LRRC4C: variants seen among roughly 807,000 people sequenced by gnomAD.
LRRC4C encodes the protein leucine-rich repeat-containing protein 4C.
LRRC4C carries 5 observed loss-of-function variants against 33.6 expected under a neutral mutation model. The observed-to-expected ratio is 0.15, with a 90% confidence interval of 0.08 to 0.31. The LOEUF (loss-of-function observed/expected upper bound fraction) is 0.31. LRRC4C is among the 10% of genes least tolerant of loss of function. The pLI is 1.00. For missense variants in LRRC4C, 560 were observed against 796.7 expected, an observed-to-expected ratio of 0.70 and a Z score of 3.58; for synonymous variants, 329 against 302.0, an observed-to-expected ratio of 1.09 and a Z score of -0.93.
At chr11:40,149,273 G>C (rs1313401940) in intron 5 of LRRC4C, among the ~76,000 whole-genome samples, 1 of 152,048 alleles carries the variant, frequency 6.6e-6, no homozygotes, top group Admixed American at 6.6e-5. Flanking sequence ...AAATTGCCTT[G>C]GGCAGTATAG....
rs144184929 is a variant in LRRC4C, at chr11:40,252,297, T to C, written c.-175-10699A>G. Among the ~76,000 whole-genome samples, 30 of 151,862 alleles carry C rather than the reference T, an allele frequency of 2.0e-4. 1 individual carries two copies. The East Asian group carries it at 5.4e-3, about 27-fold the overall frequency. On this transcript the variant is annotated intron_variant, in intron 4 of 6. Coordinates refer to ENST00000528697, the MANE Select transcript of LRRC4C (RefSeq NM_001258419.2). ...CATCTATAATCATAATATACCCACC[T>C]AATATATACACACACACACAACCCT...
intron 1 of LRRC4C, among the ~76,000 whole-genome samples, chr11:40,952,143 A>G (rs929834513): frequency 4.0e-5 from 6 of 151,860 alleles, no homozygotes; most frequent in Non-Finnish European, 8.8e-5. Context: ...TATTATTTTT[A>G]TTTTAAGGAT....
At chr11:41,059,613 T>G (rs1056323279) in intron 1 of LRRC4C, among the ~76,000 whole-genome samples, 2 of 152,196 alleles carry the variant, frequency 1.3e-5, no homozygotes, top group Non-Finnish European at 2.9e-5. Context: ...TTTAGAGTCT[T>G]TACAGACTCC....
chr11:40,489,495 T>A lies in LRRC4C; in HGVS notation c.-270+158647A>T, dbSNP rs77951730. ...CATGACTCCAAAAGATACTTTATAT[T>A]AATACCCTGCCAGGTTGTCATTATT... On this transcript the variant is annotated intron_variant, in intron 3 of 6. Transcript: ENST00000528697. 5.3e-3 allele frequency among the ~76,000 whole-genome samples: 804 copies of A among 152,198 alleles called. 1 individual carries two copies. Among genetic ancestry groups the A allele is most frequent in the African/African-American group, 0.018 (755 of 41,540 alleles).
At chr11:41,316,278 A>AAAC (rs1262966991) in intron 1 of LRRC4C, among the ~76,000 whole-genome samples, 4 of 147,630 alleles carry the variant, frequency 2.7e-5, no homozygotes, top group Non-Finnish European at 6.1e-5. Context: ...AAAAAAAAAA[A>AAAC]ACAAAAAAAA....
At chr11:40,898,377 A>G (rs1956059562) in intron 2 of LRRC4C, among the ~76,000 whole-genome samples, 2 of 151,146 alleles carry the variant, frequency 1.3e-5, no homozygotes, top group Non-Finnish European at 2.9e-5. Flanking sequence ...AAAAAAGAAA[A>G]AAGAAATGTA....
chr11:40,682,347 A>T (rs1944733156), intron 2 of LRRC4C, among the ~76,000 whole-genome samples: 1 of 152,006 alleles, frequency 6.6e-6, no homozygotes, highest in Non-Finnish European at 1.5e-5. Flanking sequence ...TACTAAAGGG[A>T]TGAATGAATG....
At chr11:40,366,083 A>G (rs1341446337) in intron 3 of LRRC4C, among the ~76,000 whole-genome samples, 1 of 151,754 alleles carries the variant, frequency 6.6e-6, no homozygotes, top group Non-Finnish European at 1.5e-5. Context: ...TATTTTTAAA[A>G]CTGTGTTTTG....
At chr11:41,400,664 TCACAATA>T (rs1174618478) in intron 1 of LRRC4C, among the ~76,000 whole-genome samples, 3 of 151,800 alleles carry the variant, frequency 2.0e-5, no homozygotes, top group African/African-American at 7.3e-5. Flanking sequence ...AAAATAAGAT[TCACAATA>T]CACAACATAG....
chr11:41,439,137 G>A (rs1955532914), intron 1 of LRRC4C, among the ~76,000 whole-genome samples: 1 of 151,982 alleles, frequency 6.6e-6, no homozygotes, highest in Non-Finnish European at 1.5e-5. Flanking sequence ...GCTCCCCCTT[G>A]TAAATTCCTG....
chr11:40,207,111 C>T (rs755384382), intron 5 of LRRC4C, among the ~76,000 whole-genome samples: 18 of 152,138 alleles, frequency 1.2e-4, no homozygotes, highest in Non-Finnish European at 2.2e-4. Flanking sequence ...GAACTCATTA[C>T]CAAGCCTTGA....
intron 5 of LRRC4C, among the ~76,000 whole-genome samples, chr11:40,235,446 A>G (rs150918922): frequency 6.6e-6 from 1 of 152,288 alleles, no homozygotes; most frequent in African/African-American, 2.4e-5. Context: ...AGAGGTCATA[A>G]TATGTGTCTA....
chr11:41,407,639 A>G (rs1048120492), intron 1 of LRRC4C, among the ~76,000 whole-genome samples: 1 of 152,142 alleles, frequency 6.6e-6, no homozygotes, highest in African/African-American at 2.4e-5. Flanking sequence ...TACACCAAAC[A>G]TATAGAAAAC....
chr11:41,181,001 C>T (rs1945424684), intron 1 of LRRC4C, among the ~76,000 whole-genome samples: 3 of 151,778 alleles, frequency 2.0e-5, no homozygotes, highest in Admixed American at 1.3e-4. Context: ...TACCAGTTCT[C>T]ATCTTTGGGA....
In LRRC4C at chr11:40,495,813, G is replaced by GTTTTTTTTTT. The variant is rs77683172; in HGVS notation, c.-270+152319_-270+152328dup. 3.1e-3 allele frequency among the ~76,000 whole-genome samples: 207 copies of GTTTTTTTTTT among 66,992 alleles called. 60 individuals are homozygous for GTTTTTTTTTT. Among genetic ancestry groups the GTTTTTTTTTT allele is most frequent in the Middle Eastern group, 0.024 (2 of 84 alleles). 43.9% of individuals were successfully genotyped at this position (66,992 alleles called of 152,430 possible). A position where few individuals can be genotyped will look rare whatever the true frequency, so the allele number is the denominator to read the frequency against. ...TTTTATTGAAGTTCTCAATAAACAT[G>GTTTTTTTTTT]TTTTTTTTTTTTTTTTTTTTTTTTT... is the stretch of plus-strand genomic sequence containing the variant. On this transcript the variant is annotated intron_variant, in intron 3 of 6. Coordinates refer to ENST00000528697, the MANE Select transcript of LRRC4C (RefSeq NM_001258419.2).
intron 1 of LRRC4C, among the ~76,000 whole-genome samples, chr11:40,987,072 T>C (rs1271024802): frequency 1.3e-5 from 2 of 152,154 alleles, no homozygotes; most frequent in Admixed American, 6.5e-5. Flanking sequence ...CCCTCTGACA[T>C]AGGGTACATT....
chr11:40,914,473 C>A (rs751602949), intron 2 of LRRC4C, among the ~76,000 whole-genome samples: 6 of 152,112 alleles, frequency 3.9e-5, no homozygotes, highest in African/African-American at 1.4e-4. Flanking sequence ...TAGGTGCAGA[C>A]AAGGCCTTAG....
chr11:41,157,891 T>C (rs994689135), intron 1 of LRRC4C, among the ~76,000 whole-genome samples: 1 of 147,586 alleles, frequency 6.8e-6, no homozygotes, highest in Non-Finnish European at 1.5e-5. Context: ...TTATCCATTG[T>C]GTTACAAACA....
At chr11:41,230,125 T>C (rs1947718166) in intron 1 of LRRC4C, among the ~76,000 whole-genome samples, 1 of 152,100 alleles carries the variant, frequency 6.6e-6, no homozygotes, top group Admixed American at 6.6e-5. Context: ...TTTCAGAGGA[T>C]TGGTCTTCTC....
Sources: allele counts gnomAD v4.1 joint callset (sites outside exome capture counted in the v4.1 genomes callset), GRCh38; gene constraint gnomAD v4.1.1; transcripts MANE v1.5; gene names NCBI Gene and HGNC (gene_info 2026-07-23, HGNC 2026-07-21).